Variants in SEC23B observed in about 807,000 individuals in gnomAD.
The protein encoded by SEC23B is protein transport protein Sec23B.
A neutral mutation model predicts 104.3 loss-of-function variants in SEC23B; 77 were observed. The observed-to-expected ratio is 0.74, with a 90% CI of 0.61 to 0.89. SEC23B has a LOEUF of 0.89. Ranked by LOEUF, SEC23B falls within the 40% of genes least tolerant of loss-of-function variation. The pLI is 0.00. For missense variants in SEC23B, 885 were observed against 949.4 expected, an observed-to-expected ratio of 0.93 and a Z score of 0.89; for synonymous variants, 338 against 332.5, an observed-to-expected ratio of 1.02 and a Z score of -0.18.
chr20:18,535,699 A>T lies in SEC23B; in HGVS notation c.1361A>T (p.Asp454Val), dbSNP rs1343902657. ...GTSQWKICGL[D>V]PTSTLGIYFE... Reference sequence around the variant, plus strand: ...AGTCAGTGGAAAATCTGTGGCCTAGATCCTACATCTACACTTGGCATCTAT... The same window carrying T: ...AGTCAGTGGAAAATCTGTGGCCTAGTTCCTACATCTACACTTGGCATCTAT... The change falls in exon 12 of 20, where the codon GAT (aspartate) becomes GTT (valine). Residue 454 changes from aspartate to valine, a missense_variant. Asp to Val is a radical substitution (Grantham distance 152, BLOSUM62 -3). Transcript: ENST00000650089. 3 of 1,613,494 alleles carry T rather than the reference A, an allele frequency of 1.9e-6. No homozygotes were observed. Among genetic ancestry groups the T allele is most frequent in the Non-Finnish European group, 2.5e-6 (3 of 1,179,822 alleles).
intron 14 of SEC23B, among the ~76,000 whole-genome samples, chr20:18,544,768 G>C (rs150661538): frequency 6.6e-6 from 1 of 152,308 alleles, no homozygotes; most frequent in East Asian, 1.9e-4. Context: ...GATTTTTCAG[G>C]CTCAATGGCA....
chr20:18,532,684 T>A lies in SEC23B; in HGVS notation c.1254T>A (p.Ile418=), dbSNP rs772896622. The part of the protein sequence containing the change: ...LDVKTSRELK[I]AGAIGPCVSL... Reference sequence around the variant, plus strand: ...TATAGACCTCTCGGGAACTGAAGATTGCAGGAGCCATTGGTCCATGCGTAT... The same window carrying A: ...TATAGACCTCTCGGGAACTGAAGATAGCAGGAGCCATTGGTCCATGCGTAT... Residue 418 remains isoleucine (I), a synonymous_variant, in exon 11 of 20, where the codon ATT becomes ATA. Coordinates refer to ENST00000650089, the MANE Select transcript of SEC23B (RefSeq NM_006363.6). 6.2e-7 allele frequency: 1 copy of A among 1,613,858 alleles called. No homozygotes were observed. Among genetic ancestry groups the A allele is most frequent in the Non-Finnish European group, 8.5e-7 (1 of 1,179,710 alleles).
intron 7 of SEC23B, 91 bp downstream of exon 7, chr20:18,526,023 C>A: frequency 1.4e-6 from 2 of 1,389,272 alleles, no homozygotes; most frequent in Non-Finnish European, 2.0e-6. Context: ...CACTTGTGAT[C>A]TAAGTCAACC....
At chr20:18,560,199 A>C (rs1234150565) in intron 19 of SEC23B, among the ~76,000 whole-genome samples, 1 of 152,104 alleles carries the variant, frequency 6.6e-6, no homozygotes. Flanking sequence ...ACATTAATAA[A>C]ATTATAAGCT....
rs1412729412 is a variant in SEC23B at position 18,549,821 on chromosome 20, A to T, written c.1905+1051A>T. ...TGTGGCGAAACCCCATCTCTACTAA[A>T]CATACAAAAATTAGCTTGGAATGGC... On this transcript the variant is annotated intron_variant, in intron 16 of 19. Coordinates refer to ENST00000650089, the MANE Select transcript of SEC23B (RefSeq NM_006363.6). 2.0e-5 allele frequency among the ~76,000 whole-genome samples: 3 copies of T among 151,780 alleles called. No homozygotes were observed. In the East Asian group the frequency reaches 5.8e-4, roughly 29 times the overall value.
chr20:18,525,113 TC>T, intron 6 of SEC23B, 93 bp downstream of exon 6: 1 of 1,143,684 alleles, frequency 8.7e-7, no homozygotes, highest in Non-Finnish European at 1.3e-6. Context: ...ATTTGTATTT[TC>T]TTATTATTAG....
intron 16 of SEC23B, among the ~76,000 whole-genome samples, chr20:18,550,687 T>A (rs1376578933): frequency 6.6e-6 from 1 of 152,112 alleles, no homozygotes; most frequent in East Asian, 1.9e-4. Context: ...TAGTTGGGCG[T>A]GGTGGCATGC....
chr20:18,556,388 CA>C (rs1400496768), intron 19 of SEC23B, among the ~76,000 whole-genome samples: 1 of 152,194 alleles, frequency 6.6e-6, no homozygotes. Context: ...CATTCCCCCA[CA>C]GATACTGAGG....
chr20:18,536,385 T>G (rs2060230903), intron 12 of SEC23B, among the ~76,000 whole-genome samples: 1 of 152,228 alleles, frequency 6.6e-6, no homozygotes, highest in African/African-American at 2.4e-5. Flanking sequence ...GTGCTGACAC[T>G]GCATAGTTAA....
chr20:18,519,200 A>ATG (rs2148892526), intron 4 of SEC23B, among the ~76,000 whole-genome samples: 1 of 152,248 alleles, frequency 6.6e-6, no homozygotes, highest in African/African-American at 2.4e-5. Flanking sequence ...AATGGAGTGA[A>ATG]TGTCAGGTGG....
chr20:18,521,822 A>G (rs1306258151), intron 4 of SEC23B, among the ~76,000 whole-genome samples: 1 of 152,108 alleles, frequency 6.6e-6, no homozygotes, highest in Non-Finnish European at 1.5e-5. Flanking sequence ...TCGCATTGGG[A>G]GCAGAGACTA....
intron 5 of SEC23B, 93 bp from the exon 6 acceptor site, chr20:18,524,842 G>T: frequency 7.1e-7 from 1 of 1,416,580 alleles, no homozygotes; most frequent in Non-Finnish European, 9.9e-7. Context: ...AGAGGCACAT[G>T]CCACCACACC....
Position 18,508,716 on chromosome 20 carries a change from C to CTTTTTTTTTTTTTTTTT in SEC23B, c.-15+749_-15+765dup, listed in dbSNP as rs398035473. On this transcript the variant is annotated intron_variant, in intron 1 of 19. Coordinates refer to ENST00000650089, the MANE Select transcript of SEC23B (RefSeq NM_006363.6). ...AACCATTAGATGGAGGCAGTAGCTT[C>CTTTTTTTTTTTTTTTTT]TTTTTTTTTTTTTTTTTTTTTGAGA... 1.6e-4 allele frequency among the ~76,000 whole-genome samples: 16 copies of CTTTTTTTTTTTTTTTTT among 97,488 alleles called. 2 individuals carry two copies. The highest frequency in any genetic ancestry group is 6.6e-4 in the African/African-American group (16 of 24,280). The allele number at this position is 97,488 out of a possible 152,430, so 64.0% of individuals were successfully genotyped here.
intron 12 of SEC23B, among the ~76,000 whole-genome samples, chr20:18,539,296 G>A (rs1002266108): frequency 4.6e-5 from 7 of 151,350 alleles, no homozygotes; most frequent in African/African-American, 1.7e-4. Flanking sequence ...ACGAGGTCAA[G>A]AGATTGAGAC....
intron 4 of SEC23B, among the ~76,000 whole-genome samples, chr20:18,522,020 G>A (rs571424645): frequency 1.3e-5 from 2 of 152,206 alleles, no homozygotes; most frequent in Non-Finnish European, 2.9e-5. Flanking sequence ...AAGACACTTA[G>A]ATTTTAGGTC....
intron 12 of SEC23B, among the ~76,000 whole-genome samples, chr20:18,539,210 TAA>T (rs763267633): frequency 1.5e-4 from 14 of 95,048 alleles, no homozygotes; most frequent in African/African-American, 1.2e-4. Flanking sequence ...AGACTCCGTC[TAA>T]AAAAAAAAAA....
chr20:18,532,727 C>CTG lies in SEC23B; in HGVS notation c.1297_1298insTG (p.Pro433LeufsTer22). 1 of 1,613,552 alleles carries CTG rather than the reference C, an allele frequency of 6.2e-7. No homozygotes were observed. The highest frequency in any genetic ancestry group is 1.1e-5 in the South Asian group (1 of 91,066). On this transcript the variant is annotated frameshift_variant, in exon 11 of 20. Transcript: ENST00000650089. LOFTEE classifies it high-confidence loss of function. ...ATGCGTATCTCTGAATGTGAAAGGA[C>CTG]CGTGTGTGTCAGAAAATGTAAGGAA...
Position 18,543,096 on chromosome 20 carries a change from G to C in SEC23B, c.1589G>C (p.Arg530Pro). ...GAGGCTGCGGCAGTGTTGATGGCAC[G>C]GCTTGGGGTGTTCCGAGCGGAGTCA... The part of the protein sequence containing the change: ...DQEAAAVLMA[R>P]LGVFRAESEE... The change falls in exon 14 of 20, where the codon CGG (arginine) becomes CCG (proline). Residue 530 changes from arginine (R) to proline (P), a missense_variant. Arg to Pro is a moderately radical substitution (Grantham distance 103). Transcript: ENST00000650089. The C allele has an allele frequency of 6.2e-7, 1 of 1,614,152 alleles. No individual in the cohort carries two copies. Among genetic ancestry groups the C allele is most frequent in the East Asian group, 2.2e-5 (1 of 44,886 alleles).
intron 4 of SEC23B, among the ~76,000 whole-genome samples, chr20:18,516,868 T>C (rs2060033497): frequency 6.6e-6 from 1 of 152,142 alleles, no homozygotes; most frequent in African/African-American, 2.4e-5. Context: ...TTTAGGCTCT[T>C]TATTGTCCTT....
Sources: allele counts gnomAD v4.1 joint callset (sites outside exome capture counted in the v4.1 genomes callset), GRCh38; gene constraint gnomAD v4.1.1; transcripts MANE v1.5; gene names NCBI Gene and HGNC (gene_info 2026-07-23, HGNC 2026-07-21).